The following ATP9B variants were observed in gnomAD, a reference collection of about 807,000 sequenced individuals.
ATP9B encodes the protein probable phospholipid-transporting ATPase IIB.
ATP9B carries 110 observed loss-of-function variants against 146.1 expected under a neutral mutation model. That is an observed-to-expected ratio of 0.75 (90% CI 0.65 to 0.88). The LOEUF (loss-of-function observed/expected upper bound fraction) is 0.88. ATP9B is among the 40% of genes least tolerant of loss of function. ATP9B has a pLI of 0.00. For missense variants in ATP9B, 1,499 were observed against 1,496.4 expected (o/e 1.00, Z -0.03); for synonymous variants, 604 against 569.7 (o/e 1.06, Z -0.86).
At chr18:79,237,185 A>G (rs367878187) in intron 11 of ATP9B, among the ~76,000 whole-genome samples, 3 of 65,186 alleles carry the variant, frequency 4.6e-5, no homozygotes, top group Admixed American at 4.0e-4. Flanking sequence ...CTGTGTACAC[A>G]GTCCGTGCAC....
At chr18:79,218,403 C>T (rs751624008) in intron 11 of ATP9B, among the ~76,000 whole-genome samples, 29 of 151,914 alleles carry the variant, frequency 1.9e-4, no homozygotes, top group Non-Finnish European at 3.1e-4. Context: ...CACAGGCTGG[C>T]AGCTCCTGCT....
At chr18:79,181,601 T>C (rs1158014495) in intron 8 of ATP9B, among the ~76,000 whole-genome samples, 1 of 142,374 alleles carries the variant, frequency 7.0e-6, no homozygotes, top group Non-Finnish European at 1.6e-5. Flanking sequence ...TTTCTCAGCC[T>C]TTTTTTTCCT....
rs533714645 is a variant in ATP9B, at chr18:79,274,517, G to GTGC, written c.1269-2536_1269-2535insGCT. ...CTATGTGGTAGTATATGCATCCTATGTAGTATTACATACTCCCTATGTGGT... is the reference window on the plus strand; with the variant it reads ...CTATGTGGTAGTATATGCATCCTATGTGCTAGTATTACATACTCCCTATGTGGT... On this transcript the variant is annotated intron_variant, in intron 12 of 29. Transcript: ENST00000426216. 4.6e-3 allele frequency among the ~76,000 whole-genome samples: 701 copies of GTGC among 152,208 alleles called. 9 individuals carry two copies. Among genetic ancestry groups the GTGC allele is most frequent in the African/African-American group, 0.016 (673 of 41,510 alleles).
In ATP9B at chr18:79,277,146, C is replaced by G; in HGVS notation, c.1361C>G (p.Thr454Ser). The change falls in exon 13 of 30, where the codon ACT (threonine) becomes AGT (serine). Residue 454 changes from threonine (T) to serine (S), a missense_variant. By Grantham distance (58) the Thr-to-Ser change is moderately conservative (BLOSUM62 1). Coordinates refer to ENST00000426216, the MANE Select transcript of ATP9B (RefSeq NM_198531.5). ...NIPGTVVRTS[T>S]IPEELGRLVY... ...CCTGGCACGGTCGTTCGGACCAGCA[C>G]TATCCCAGAGGAACTTGGGCGCCTG... 2 of 1,614,230 alleles carry G rather than the reference C, an allele frequency of 1.2e-6. No homozygotes were observed. The highest frequency in any genetic ancestry group is 1.7e-6 in the Non-Finnish European group (2 of 1,180,036).
chr18:79,087,033 A>G (rs551625748), intron 1 of ATP9B, among the ~76,000 whole-genome samples: 1 of 152,182 alleles, frequency 6.6e-6, no homozygotes, highest in Non-Finnish European at 1.5e-5. Flanking sequence ...ACAGAAATTT[A>G]TTTCTCACAC....
intron 5 of ATP9B, among the ~76,000 whole-genome samples, chr18:79,129,135 C>CA (rs922592935): frequency 6.6e-6 from 1 of 152,134 alleles, no homozygotes; most frequent in African/African-American, 2.4e-5. Flanking sequence ...CGCCATTTCT[C>CA]AAACATATGC....
chr18:79,134,381 G>A (rs1364576315), intron 5 of ATP9B, among the ~76,000 whole-genome samples: 2 of 152,192 alleles, frequency 1.3e-5, no homozygotes, highest in African/African-American at 4.8e-5. Flanking sequence ...ACCTCCCTGT[G>A]GGGAGTGGCG....
In ATP9B at chr18:79,377,734, G is replaced by C; in HGVS notation, c.*351G>C. The C allele has an allele frequency of 4.0e-6, 1 of 249,306 alleles. No homozygotes were observed. Among genetic ancestry groups the C allele is most frequent in the Non-Finnish European group, 7.8e-6 (1 of 127,474 alleles). The allele number at this position is 249,306 out of a possible 1,614,324, so 15.4% of individuals were successfully genotyped here. A position where few individuals can be genotyped will look rare whatever the true frequency, so the allele number is the denominator to read the frequency against. ...AGGCAAGCCCAGGGCACAGAGGCCG[G>C]GACGGCCTCTCCCTCTCAGTGTGAG... On this transcript the variant is annotated 3_prime_UTR_variant, in exon 30 of 30. Transcript: ENST00000426216.
Position 79,335,944 on chromosome 18 carries a change from C to T in ATP9B, c.2029-684C>T, listed in dbSNP as rs544414010. Among the ~76,000 whole-genome samples the T allele has an allele frequency of 1.6e-4, 25 of 152,286 alleles. 1 individual carries two copies. Among genetic ancestry groups the T allele is most frequent in the Admixed American group, 8.5e-4 (13 of 15,294 alleles). On this transcript the variant is annotated intron_variant, in intron 17 of 29. Coordinates refer to ENST00000426216, the MANE Select transcript of ATP9B (RefSeq NM_198531.5). Reference sequence around the variant, plus strand: ...GTTCTAAATCCATGGTATTACAACACGCCAGGGGGGTCCCCCTCTCCCCCA... The same window carrying T: ...GTTCTAAATCCATGGTATTACAACATGCCAGGGGGGTCCCCCTCTCCCCCA...
intron 4 of ATP9B, among the ~76,000 whole-genome samples, chr18:79,122,544 T>G (rs577745209): frequency 1.1e-3 from 163 of 152,334 alleles, no homozygotes; most frequent in South Asian, 5.4e-3. Context: ...ATGAATTTCT[T>G]ACTTGTGGAC....
chr18:79,370,283 C>T (rs541715514), intron 26 of ATP9B, among the ~76,000 whole-genome samples: 15 of 152,206 alleles, frequency 9.9e-5, no homozygotes, highest in South Asian at 6.2e-4. Flanking sequence ...ATTTCATGCA[C>T]GTGAGCCACA....
At chr18:79,122,239 T>C (rs1196671741) in intron 4 of ATP9B, among the ~76,000 whole-genome samples, 2 of 152,198 alleles carry the variant, frequency 1.3e-5, no homozygotes, top group African/African-American at 4.8e-5. Context: ...CATTCTCTTA[T>C]CTCAGTGAGT....
At chr18:79,276,496 G>A (rs1366861235) in intron 12 of ATP9B, among the ~76,000 whole-genome samples, 11 of 152,206 alleles carry the variant, frequency 7.2e-5, no homozygotes, top group Admixed American at 7.2e-4. Context: ...TATCCCATTG[G>A]TCATGGTAAA....
chr18:79,243,191 A>G (rs1352550957), intron 11 of ATP9B, among the ~76,000 whole-genome samples: 1 of 152,252 alleles, frequency 6.6e-6, no homozygotes, highest in East Asian at 1.9e-4. Flanking sequence ...TGTGGGCGGA[A>G]CAGAAAATGT....
At chr18:79,090,707 A>T (rs1205291403) in intron 1 of ATP9B, among the ~76,000 whole-genome samples, 2 of 152,146 alleles carry the variant, frequency 1.3e-5, no homozygotes, top group Non-Finnish European at 2.9e-5. Context: ...CAAATAGGCA[A>T]ATATTTTCCC....
intron 12 of ATP9B, among the ~76,000 whole-genome samples, chr18:79,255,550 TAA>T (rs1362717498): frequency 6.6e-6 from 1 of 152,204 alleles, no homozygotes; most frequent in Non-Finnish European, 1.5e-5. Flanking sequence ...AAGGAGGAGA[TAA>T]GACATTTCAC....
intron 7 of ATP9B, among the ~76,000 whole-genome samples, chr18:79,165,123 T>G (rs975960741): frequency 5.3e-5 from 8 of 152,246 alleles, no homozygotes; most frequent in Admixed American, 6.5e-5. Context: ...CCCTGAATTT[T>G]ACAACATAAC....
intron 8 of ATP9B, among the ~76,000 whole-genome samples, chr18:79,188,090 A>G (rs2095325726): frequency 6.6e-6 from 1 of 152,170 alleles, no homozygotes; most frequent in African/African-American, 2.4e-5. Flanking sequence ...TGTAGAATCA[A>G]CAGGAAAGAG....
chr18:79,368,085 G>A (rs752592059), intron 26 of ATP9B, among the ~76,000 whole-genome samples: 50 of 152,198 alleles, frequency 3.3e-4, no homozygotes, highest in Admixed American at 8.5e-4. Context: ...CCATGGCCCC[G>A]GGTGAGCTGG....
Sources: allele counts gnomAD v4.1 joint callset (sites outside exome capture counted in the v4.1 genomes callset), GRCh38; gene constraint gnomAD v4.1.1; transcripts MANE v1.5; gene names NCBI Gene and HGNC (gene_info 2026-07-23, HGNC 2026-07-21).